ERCC6: variants seen among roughly 807,000 people sequenced by gnomAD.
ERCC6 encodes DNA excision repair protein ERCC-6.
In ERCC6, 116 loss-of-function variants were observed where a neutral mutation model predicts 158.7. The ratio of observed to expected loss-of-function variants is 0.73; its 90% CI spans 0.63 to 0.85. ERCC6 has a LOEUF of 0.85. Ranked by LOEUF, ERCC6 falls within the 40% of genes least tolerant of loss-of-function variation. The pLI, the probability that ERCC6 is intolerant of heterozygous loss-of-function variation, is 0.00. For synonymous variants in ERCC6, 678 were observed against 659.3 expected (o/e 1.03, Z -0.43); for missense variants, 1,698 against 1,799.4 (o/e 0.94, Z 1.02).
chr10:49,528,369 T>C (rs768500779), intron 4 of ERCC6, 48 bp downstream of exon 4: 3 of 1,599,480 alleles, frequency 1.9e-6, no homozygotes, highest in Non-Finnish European at 2.6e-6. Flanking sequence ...ACTACAGGCA[T>C]CAGGCATCAA....
chr10:49,476,004 C>A (rs746377176), intron 12 of ERCC6, among the ~76,000 whole-genome samples: 1 of 152,216 alleles, frequency 6.6e-6, no homozygotes, highest in South Asian at 2.1e-4. Flanking sequence ...CACAGCTCTG[C>A]AACTTTCCAC....
In ERCC6 at chr10:49,455,591, G is replaced by C. The variant is rs894249123; in HGVS notation, c.*3224C>G. On this transcript the variant is annotated 3_prime_UTR_variant, in exon 21 of 21. Coordinates refer to ENST00000355832, the MANE Select transcript of ERCC6 (RefSeq NM_000124.4). The stretch of plus-strand genomic sequence containing the variant: ...AGAAATAGACAACTTAGCATGTGAT[G>C]AGTTGAAAGCTGACATTTTAAACTG... 2 of 152,230 alleles carry C rather than the reference G, an allele frequency of 1.3e-5. No homozygotes were observed. The highest frequency in any genetic ancestry group is 2.9e-5 in the Non-Finnish European group (2 of 68,038). The allele number at this position is 152,230 out of a possible 1,614,324, so 9.4% of individuals were successfully genotyped here.
intron 10 of ERCC6, among the ~76,000 whole-genome samples, chr10:49,480,190 T>C (rs1364823967): frequency 6.6e-6 from 1 of 152,170 alleles, no homozygotes; most frequent in Non-Finnish European, 1.5e-5. Context: ...CTTCCTCACC[T>C]TTCAGGCCCC....
intron 3 of ERCC6, 128 bp from the exon 4 acceptor site, chr10:49,528,653 A>G: frequency 1.0e-5 from 12 of 1,187,702 alleles, no homozygotes; most frequent in Non-Finnish European, 1.4e-5. Context: ...TTACATAAAA[A>G]TTCCATACAT....
chr10:49,458,866 A>G lies in ERCC6; in HGVS notation c.4431T>C (p.His1477=), dbSNP rs944288503. The change falls in exon 21 of 21, where the codon CAT becomes CAC. Residue 1477 remains histidine (H), a synonymous_variant. Transcript: ENST00000355832. Reference sequence around the variant, plus strand: ...AAATTCCTTCACCACCAGAAGTTCTATGGAAAGTGCACAGATTTCTCAATA... The same window carrying G: ...AAATTCCTTCACCACCAGAAGTTCTGTGGAAAGTGCACAGATTTCTCAATA... The part of the protein sequence containing the change: ...RELLRNLCTF[H]RTSGGEGIWK... 5 of 1,614,088 alleles carry G rather than the reference A, an allele frequency of 3.1e-6. No individual in the cohort carries two copies. The highest frequency in any genetic ancestry group is 1.3e-5 in the African/African-American group (1 of 74,932).
chr10:49,510,378 C>A (rs1042460026), intron 5 of ERCC6, among the ~76,000 whole-genome samples: 5 of 152,150 alleles, frequency 3.3e-5, no homozygotes, highest in Non-Finnish European at 7.4e-5. Flanking sequence ...CATCTCTGTG[C>A]ACCTGCATTC....
At position 49,461,478 on chromosome 10, in the gene ERCC6, G is replaced by C; in HGVS notation, c.3857C>G (p.Ala1286Gly). 6.2e-7 allele frequency: 1 copy of C among 1,614,142 alleles called. No homozygotes were observed. The highest frequency in any genetic ancestry group is 1.1e-5 in the South Asian group (1 of 91,058). Residue 1286 changes from alanine to glycine, a missense_variant, in exon 19 of 21, where the codon GCC (alanine) becomes GGC (glycine). By Grantham distance (60) the Ala-to-Gly change is moderately conservative (BLOSUM62 0). Coordinates refer to ENST00000355832, the MANE Select transcript of ERCC6 (RefSeq NM_000124.4). Reference protein sequence around the residue: ...SPDYVLVEAEANRVAQDALKA... With the variant: ...SPDYVLVEAEGNRVAQDALKA... Reference sequence around the variant, plus strand: ...CAGGGCATCCTGGGCCACTCGGTTGGCTTCTGCCTCCACCAGTACATAATC... The same window carrying C: ...CAGGGCATCCTGGGCCACTCGGTTGCCTTCTGCCTCCACCAGTACATAATC...
Position 49,505,913 on chromosome 10 carries a change from C to T in ERCC6, c.1497G>A (p.Val499=), listed in dbSNP as rs1346360977. 1 of 1,613,394 alleles carries T rather than the reference C, an allele frequency of 6.2e-7. No individual in the cohort carries two copies. Among genetic ancestry groups the T allele is most frequent in the South Asian group, 1.1e-5 (1 of 91,066 alleles). The change falls in exon 6 of 21, where the codon GTG becomes GTA. Residue 499 remains valine (V), a synonymous_variant. Coordinates refer to ENST00000355832, the MANE Select transcript of ERCC6 (RefSeq NM_000124.4). ...AAAGCTTTTTGAACAGAAAACCTGGCACTTTAAAACCTTCGTCAAATTCAG... is the reference window on the plus strand; with the variant it reads ...AAAGCTTTTTGAACAGAAAACCTGGTACTTTAAAACCTTCGTCAAATTCAG... ...SDAEFDEGFK[V]PGFLFKKLFK...
At chr10:49,471,900 A>C (rs555885904) in intron 16 of ERCC6, among the ~76,000 whole-genome samples, 9 of 152,272 alleles carry the variant, frequency 5.9e-5, no homozygotes, top group Non-Finnish European at 1.2e-4. Flanking sequence ...AAAATCCCCT[A>C]GTCATTATGG....
At chr10:49,531,076 A>C (rs916924551) in intron 2 of ERCC6, among the ~76,000 whole-genome samples, 3 of 152,180 alleles carry the variant, frequency 2.0e-5, no homozygotes, top group African/African-American at 7.2e-5. Flanking sequence ...GCTCATTCCC[A>C]TTTGTAAGCT....
At chr10:49,453,887 A>G (rs1414255893), downstream of ERCC6, among the ~76,000 whole-genome samples, 6 of 152,038 alleles carry the variant, frequency 3.9e-5, no homozygotes, top group Non-Finnish European at 7.4e-5. Context: ...TTCACTCACT[A>G]CTTTCAAGGT....
intron 4 of ERCC6, among the ~76,000 whole-genome samples, chr10:49,526,540 T>C (rs1416273922): frequency 6.6e-6 from 1 of 152,212 alleles, no homozygotes; most frequent in Non-Finnish European, 1.5e-5. Context: ...CTAAATGCTA[T>C]CTTCTGATGA....
intron 7 of ERCC6, among the ~76,000 whole-genome samples, chr10:49,497,885 C>G (rs1159039941): frequency 6.6e-6 from 1 of 152,122 alleles, no homozygotes; most frequent in Non-Finnish European, 1.5e-5. Context: ...CAGAACTTAC[C>G]AGGAACTACA....
Position 49,470,697 on chromosome 10 carries a change from C to T in ERCC6, c.3263G>A (p.Ser1088Asn). The change falls in exon 18 of 21, where the codon AGT becomes AAT. Residue 1088 changes from serine to asparagine, a missense_variant. Transcript: ENST00000355832. ...GTGAGGGTCATCTTTCAAAGGATCA[C>T]TTCGATTAGAAGTTACTGCATTTAC... ...AEVNAVTSNR[S>N]DPLKDDPHMS... The T allele has an allele frequency of 6.2e-7, 1 of 1,614,064 alleles. No individual in the cohort carries two copies. Among genetic ancestry groups the T allele is most frequent in the Non-Finnish European group, 8.5e-7 (1 of 1,180,010 alleles).
In ERCC6 at chr10:49,466,308, C is replaced by T. The variant is rs182262062; in HGVS notation, c.3778+3874G>A. Among the ~76,000 whole-genome samples, 203 of 152,206 alleles carry T rather than the reference C, an allele frequency of 1.3e-3. 1 individual carries two copies. Among genetic ancestry groups the T allele is most frequent in the African/African-American group, 4.8e-3 (199 of 41,532 alleles). On this transcript the variant is annotated intron_variant, in intron 18 of 20. Transcript: ENST00000355832. ...AGTATAACTGTTTCTTGCCATAGTT[C>T]AGGTCAGAAATTGTAAAAAGCTACC... is the stretch of plus-strand genomic sequence containing the variant.
intron 1 of ERCC6, among the ~76,000 whole-genome samples, chr10:49,538,522 C>T (rs1472245462): frequency 1.3e-5 from 2 of 152,206 alleles, no homozygotes; most frequent in Admixed American, 1.3e-4. Flanking sequence ...GTGGAAGTCA[C>T]GTAACAGCAG....
chr10:49,508,055 G>A (rs189009933), intron 5 of ERCC6, among the ~76,000 whole-genome samples: 3 of 152,144 alleles, frequency 2.0e-5, no homozygotes, highest in East Asian at 3.9e-4. Flanking sequence ...GAGAGTCCTC[G>A]GTATCAAAAC....
In ERCC6 at chr10:49,530,702, A is replaced by C; in HGVS notation, c.543+18T>G. 6.2e-7 allele frequency: 1 copy of C among 1,611,998 alleles called. No homozygotes were observed. The highest frequency in any genetic ancestry group is 8.5e-7 in the Non-Finnish European group (1 of 1,179,306). On this transcript the variant is annotated intron_variant, in intron 3 of 20. Coordinates refer to ENST00000355832, the MANE Select transcript of ERCC6 (RefSeq NM_000124.4). ...TGACTTTTTCAAAAATGCAATACTG[A>C]ATGTTATTCTGAATCACCTTATTAT...
At chr10:49,522,028 T>C (rs1017923567) in intron 5 of ERCC6, among the ~76,000 whole-genome samples, 1 of 152,176 alleles carries the variant, frequency 6.6e-6, no homozygotes, top group East Asian at 1.9e-4. Flanking sequence ...TAACAGGCTA[T>C]ACCCTCAGTA....
Sources: gnomAD v4.1 joint callset for allele counts (sites outside exome capture counted in the v4.1 genomes callset) on GRCh38, gnomAD v4.1.1 for gene constraint, MANE v1.5 for transcripts, NCBI Gene and HGNC (gene_info 2026-07-23, HGNC 2026-07-21) for gene names.